KCNT2: variants seen among roughly 807,000 people sequenced by gnomAD.
KCNT2 encodes potassium sodium-activated channel subfamily T member 2, also known as potassium channel subfamily T member 2.
A neutral mutation model predicts 153.8 loss-of-function variants in KCNT2; 67 were observed. That is an observed-to-expected ratio of 0.44 (90% confidence interval 0.36 to 0.53). The LOEUF (loss-of-function observed/expected upper bound fraction) is 0.53. KCNT2 is among the 20% of genes least tolerant of loss of function. KCNT2 has a pLI of 0.00. For synonymous variants in KCNT2, 500 were observed against 458.8 expected (o/e 1.09, Z -1.15); for missense variants, 975 against 1,354.8 (o/e 0.72, Z 4.40).
rs1207932470 is a variant in KCNT2, at chr1:196,583,117, A to C, written c.95+25098T>G. Among the ~76,000 whole-genome samples, 8 of 152,218 alleles carry C rather than the reference A, an allele frequency of 5.3e-5. No individual in the cohort carries two copies. In the East Asian group the frequency reaches 1.6e-3, roughly 30 times the overall value. ...GGCAGCCAGAAGGAAGACCTGAGGC[A>C]GAAAAATTAAAACACCTCTCAAGAG... On this transcript the variant is annotated intron_variant, in intron 1 of 27. Transcript: ENST00000294725.
chr1:196,448,612 T>C (rs1557948248), intron 8 of KCNT2, among the ~76,000 whole-genome samples: 1 of 151,668 alleles, frequency 6.6e-6, no homozygotes, highest in Non-Finnish European at 1.5e-5. Flanking sequence ...TTATAGTTTT[T>C]TCTGTTTCTG....
intron 1 of KCNT2, among the ~76,000 whole-genome samples, chr1:196,560,989 A>G (rs1659303558): frequency 6.6e-6 from 1 of 151,948 alleles, no homozygotes; most frequent in Non-Finnish European, 1.5e-5. Context: ...ATTTCTAGGT[A>G]GGAAGATTTT....
chr1:196,441,825 T>C (rs887118541), intron 8 of KCNT2, among the ~76,000 whole-genome samples: 1 of 151,842 alleles, frequency 6.6e-6, no homozygotes, highest in Non-Finnish European at 1.5e-5. Context: ...TTAGGTCATG[T>C]GCTGTACAAA....
intron 1 of KCNT2, among the ~76,000 whole-genome samples, chr1:196,561,191 A>G (rs144153067): frequency 1.3e-5 from 2 of 151,850 alleles, no homozygotes; most frequent in Non-Finnish European, 2.9e-5. Flanking sequence ...CGACTTATAC[A>G]TATATCAGGG....
chr1:196,444,959 T>C (rs1675560921), intron 8 of KCNT2, among the ~76,000 whole-genome samples: 1 of 151,382 alleles, frequency 6.6e-6, no homozygotes, highest in South Asian at 2.1e-4. Flanking sequence ...AAATAATAGA[T>C]ACAGAAATGC....
intron 1 of KCNT2, among the ~76,000 whole-genome samples, chr1:196,554,260 C>T (rs1658340669): frequency 6.6e-6 from 1 of 150,606 alleles, no homozygotes; most frequent in East Asian, 2.0e-4. Context: ...TGACAAGTGC[C>T]AAACCAACTA....
At chr1:196,237,181 A>G (rs1363107669) in intron 26 of KCNT2, among the ~76,000 whole-genome samples, 1 of 151,716 alleles carries the variant, frequency 6.6e-6, no homozygotes, top group Non-Finnish European at 1.5e-5. Context: ...CTGATAAACA[A>G]TTTGCTGCAC....
chr1:196,573,623 A>G (rs1236475465), intron 1 of KCNT2, among the ~76,000 whole-genome samples: 3 of 152,038 alleles, frequency 2.0e-5, no homozygotes, highest in Non-Finnish European at 1.5e-5. Flanking sequence ...TAACTAATAA[A>G]TAAAATATGA....
At chr1:196,556,670 T>A (rs1658712127) in intron 1 of KCNT2, among the ~76,000 whole-genome samples, 1 of 151,468 alleles carries the variant, frequency 6.6e-6, no homozygotes, top group South Asian at 2.1e-4. Flanking sequence ...ATTGGAGATA[T>A]CTGCACTCTC....
At chr1:196,488,417 C>A (rs1293098048) in intron 3 of KCNT2, among the ~76,000 whole-genome samples, 1 of 151,948 alleles carries the variant, frequency 6.6e-6, no homozygotes, top group Admixed American at 6.6e-5. Flanking sequence ...ATATCCTCTA[C>A]AATTATGGCC....
chr1:196,258,166 T>C lies in KCNT2; in HGVS notation c.3211+28A>G, dbSNP rs750575063. On this transcript the variant is annotated intron_variant, in intron 26 of 27. Coordinates refer to ENST00000294725, the MANE Select transcript of KCNT2 (RefSeq NM_198503.5). The stretch of plus-strand genomic sequence containing the variant: ...CTAATGGCAAGAAATCACGAGTCCA[T>C]ATATACAGTAGTTTTTAAAGAGCAT... 5.6e-6 allele frequency: 9 copies of C among 1,606,512 alleles called. No homozygotes were observed. The African/African-American group carries it at 6.7e-5, about 12-fold the overall frequency.
At chr1:196,245,281 G>A (rs558578093) in intron 26 of KCNT2, among the ~76,000 whole-genome samples, 78 of 151,910 alleles carry the variant, frequency 5.1e-4, no homozygotes, top group East Asian at 3.9e-4. Flanking sequence ...GCTTGAGCCC[G>A]GGAGTTTGAG....
chr1:196,282,413 A>C (rs1659198208), intron 23 of KCNT2, 57 bp from the exon 24 acceptor site: 2 of 852,086 alleles, frequency 2.3e-6, no homozygotes, highest in African/African-American at 1.7e-5. Flanking sequence ...AATGTGTATG[A>C]GATGTGTAGA....
At chr1:196,494,042 A>G (rs1338336999) in intron 1 of KCNT2, among the ~76,000 whole-genome samples, 1 of 152,222 alleles carries the variant, frequency 6.6e-6, no homozygotes, top group African/African-American at 2.4e-5. Flanking sequence ...ATGCCCATGC[A>G]CATGTGCACA....
rs189682084 is a variant in KCNT2, at chr1:196,500,393, G to T, written c.96-8052C>A. Among the ~76,000 whole-genome samples, 32 of 152,240 alleles carry T rather than the reference G, an allele frequency of 2.1e-4. No homozygotes were observed. In the East Asian group the frequency reaches 6.0e-3, roughly 29 times the overall value. ...CCCAAATTCATACAGCTAGGATGGG[G>T]ACAGAGTTGGAACATTGGTCTTTCT... On this transcript the variant is annotated intron_variant, in intron 1 of 27. Transcript: ENST00000294725.
chr1:196,456,447 A>G (rs1043944781), intron 8 of KCNT2, among the ~76,000 whole-genome samples: 4 of 151,984 alleles, frequency 2.6e-5, no homozygotes, highest in African/African-American at 9.7e-5. Context: ...CCTTTGTGCT[A>G]CCATTATATT....
intron 22 of KCNT2, among the ~76,000 whole-genome samples, chr1:196,288,982 TTATAAC>T (rs1343250848): frequency 6.6e-6 from 1 of 152,136 alleles, no homozygotes; most frequent in Non-Finnish European, 1.5e-5. Flanking sequence ...TTCCTCAGTT[TTATAAC>T]TGTGAATTGG....
At position 196,342,181 on chromosome 1, in the gene KCNT2, C is replaced by T. The variant is rs765937619; in HGVS notation, c.1451G>A (p.Cys484Tyr). 18 of 1,611,762 alleles carry T rather than the reference C, an allele frequency of 1.1e-5. No individual in the cohort carries two copies. In the South Asian group the frequency reaches 1.9e-4, roughly 17 times the overall value. Residue 484 changes from cysteine (C) to tyrosine (Y), a missense_variant, in exon 15 of 28, where the codon TGC (cysteine) becomes TAC (tyrosine). Physicochemically the swap from Cys to Tyr is radical, Grantham distance 194. Transcript: ENST00000294725. ...AATGTGGTAGACTTCATTCCCGGAGCATCTACCGTACATCTTCTGCCATTG... is the reference window on the plus strand; with the variant it reads ...AATGTGGTAGACTTCATTCCCGGAGTATCTACCGTACATCTTCTGCCATTG... ...PEQWQKMYGR[C>Y]SGNEVYHIVL...
At chr1:196,525,282 C>T (rs114652597) in intron 1 of KCNT2, among the ~76,000 whole-genome samples, 2,426 of 152,164 alleles carry the variant, frequency 0.016, 25 homozygotes, top group South Asian at 0.033. Flanking sequence ...TGACCCAGGC[C>T]ATGCTCTGCC....
Sources: allele counts gnomAD v4.1 joint callset (sites outside exome capture counted in the v4.1 genomes callset), GRCh38; gene constraint gnomAD v4.1.1; transcripts MANE v1.5; gene names NCBI Gene and HGNC (gene_info 2026-07-23, HGNC 2026-07-21).